The following RPF2 variants were observed in gnomAD, a reference collection of about 807,000 sequenced individuals.
RPF2 encodes the protein ribosome production factor 2 homolog.
RPF2 carries 21 observed loss-of-function variants against 38.9 expected under a neutral mutation model. The ratio of observed to expected loss-of-function variants is 0.54; its 90% CI spans 0.38 to 0.78. The LOEUF (loss-of-function observed/expected upper bound fraction) is 0.78. RPF2 is among the 30% of genes least tolerant of loss of function. The pLI, the probability that RPF2 is intolerant of heterozygous loss-of-function variation, is 0.00. For synonymous variants in RPF2, 121 were observed against 126.2 expected (o/e 0.96, Z 0.28); for missense variants, 314 against 358.1 (o/e 0.88, Z 0.99).
rs147171704 is a variant in RPF2, at chr6:111,005,134, T to G, written c.394-2904T>G. ...AGCTTCTGTATCAGACAGACAGATG[T>G]TAGGCACATCTCCATCTCCTAAGTA... On this transcript the variant is annotated intron_variant, in intron 6 of 9. Coordinates refer to ENST00000441448, the MANE Select transcript of RPF2 (RefSeq NM_032194.3). 1.3e-3 allele frequency among the ~76,000 whole-genome samples: 202 copies of G among 152,286 alleles called. 1 individual carries two copies. Among genetic ancestry groups the G allele is most frequent in the African/African-American group, 4.6e-3 (193 of 41,556 alleles).
At chr6:111,002,153 G>A (rs1412061191) in intron 6 of RPF2, among the ~76,000 whole-genome samples, 8 of 152,222 alleles carry the variant, frequency 5.3e-5, no homozygotes, top group Admixed American at 3.9e-4. Flanking sequence ...GGTGGTGCAC[G>A]CCTGTAATCC....
At chr6:110,996,810 T>C (rs1228123178) in intron 4 of RPF2, among the ~76,000 whole-genome samples, 2 of 152,162 alleles carry the variant, frequency 1.3e-5, no homozygotes, top group African/African-American at 2.4e-5. Context: ...TCGTTTTGTT[T>C]TGTTTTTTTT....
chr6:110,984,647 C>T (rs1200102070), intron 1 of RPF2, among the ~76,000 whole-genome samples: 1 of 152,052 alleles, frequency 6.6e-6, no homozygotes, highest in Non-Finnish European at 1.5e-5. Context: ...CGAGAATAGC[C>T]TGACCAACAT....
intron 5 of RPF2, among the ~76,000 whole-genome samples, chr6:110,999,366 T>C (rs1310429744): frequency 6.6e-6 from 1 of 152,178 alleles, no homozygotes; most frequent in Non-Finnish European, 1.5e-5. Context: ...TTCTCTAATA[T>C]CTATTGAATA....
Position 111,015,797 on chromosome 6 carries a change from A to G in RPF2, c.537A>G (p.Gly179=). The G allele has an allele frequency of 1.2e-6, 2 of 1,613,404 alleles. No homozygotes were observed. Among genetic ancestry groups the G allele is most frequent in the South Asian group, 1.1e-5 (1 of 91,062 alleles). ...GPTVSNIRLA[G]LEYVLHFTAL... ...CAGTATCAAATATCCGCCTGGCTGG[A>G]TTAGAGTATGTTCTGCACTTCACTG... Residue 179 remains glycine (G), a synonymous_variant, in exon 8 of 10, where the codon GGA becomes GGG. Transcript: ENST00000441448.
intron 3 of RPF2, among the ~76,000 whole-genome samples, chr6:110,990,745 G>C (rs776037604): frequency 6.6e-5 from 10 of 151,848 alleles, no homozygotes; most frequent in Non-Finnish European, 1.2e-4. Flanking sequence ...GCTAATTTTT[G>C]TATTTTTAGT....
intron 2 of RPF2, among the ~76,000 whole-genome samples, chr6:110,988,786 T>G (rs1300002390): frequency 2.0e-5 from 3 of 152,106 alleles, no homozygotes; most frequent in Non-Finnish European, 4.4e-5. Flanking sequence ...ATGAAGGAAA[T>G]TGTTTAAGTT....
At chr6:111,024,434 C>T (rs750705006) in intron 9 of RPF2, 107 bp downstream of exon 9, 1 of 1,137,926 alleles carries the variant, frequency 8.8e-7, no homozygotes, top group Non-Finnish European at 1.2e-6. Flanking sequence ...CAAGGACAGG[C>T]CAGGCGCGGT....
chr6:110,991,239 T>C (rs1052689212), intron 3 of RPF2, among the ~76,000 whole-genome samples: 1 of 152,150 alleles, frequency 6.6e-6, no homozygotes, highest in African/African-American at 2.4e-5. Context: ...TAAATAGTTA[T>C]AATGCTGTAT....
At chr6:111,008,201 G>C (rs1221293920) in intron 7 of RPF2, 64 bp downstream of exon 7, 2 of 1,479,848 alleles carry the variant, frequency 1.4e-6, no homozygotes, top group Admixed American at 5.2e-5. Context: ...ACTCTCACTG[G>C]TGGCACTTTG....
rs1772316010 is a variant in RPF2 at position 111,025,654 on chromosome 6, A to G, written c.*72A>G. 1.6e-5 allele frequency: 18 copies of G among 1,102,932 alleles called. No homozygotes were observed. The South Asian group carries it at 3.0e-4, about 18-fold the overall frequency. The allele number at this position is 1,102,932 out of a possible 1,614,324, so 68.3% of individuals were successfully genotyped here. A position where few individuals can be genotyped will look rare whatever the true frequency, so the allele number is the denominator to read the frequency against. On this transcript the variant is annotated 3_prime_UTR_variant, in exon 10 of 10. Coordinates refer to ENST00000441448, the MANE Select transcript of RPF2 (RefSeq NM_032194.3). ...AATTATCAAGCGTCAATCCATTCAG[A>G]GTTTCTTATAAGATCTTATTATATA...
intron 8 of RPF2, among the ~76,000 whole-genome samples, chr6:111,019,625 T>C (rs1772193332): frequency 6.6e-6 from 1 of 151,786 alleles, no homozygotes; most frequent in Non-Finnish European, 1.5e-5. Flanking sequence ...TAATCCTAGC[T>C]ACTCGGGAGG....
intron 6 of RPF2, among the ~76,000 whole-genome samples, chr6:111,007,341 C>T (rs900057207): frequency 6.6e-6 from 1 of 152,288 alleles, no homozygotes; most frequent in East Asian, 1.9e-4. Context: ...AAGCCCTTTA[C>T]ATCATTCTTT....
At chr6:111,024,540 C>T (rs13191180) in intron 9 of RPF2, among the ~76,000 whole-genome samples, 70 of 151,920 alleles carry the variant, frequency 4.6e-4, no homozygotes, top group Non-Finnish European at 7.8e-4. Flanking sequence ...AGTGAAACCC[C>T]GTCTCTATGA....
At chr6:111,007,447 C>T (rs996054304) in intron 6 of RPF2, among the ~76,000 whole-genome samples, 6 of 151,806 alleles carry the variant, frequency 4.0e-5, no homozygotes, top group African/African-American at 1.4e-4. Context: ...TTAGCCAGGC[C>T]TGCACCTGTA....
At chr6:110,993,654 C>G (rs767315374) in intron 4 of RPF2, among the ~76,000 whole-genome samples, 5 of 152,094 alleles carry the variant, frequency 3.3e-5, no homozygotes, top group Non-Finnish European at 7.4e-5. Context: ...CTTTTTTAGT[C>G]TAGTGTTGAT....
At chr6:110,999,321 GA>G (rs910056813) in intron 5 of RPF2, among the ~76,000 whole-genome samples, 21 of 150,046 alleles carry the variant, frequency 1.4e-4, no homozygotes, top group East Asian at 1.9e-4. Context: ...ATCAATATTA[GA>G]AAAAAAAATG....
At chr6:110,991,420 ACTTT>A (rs1771618678) in intron 3 of RPF2, among the ~76,000 whole-genome samples, 1 of 138,220 alleles carries the variant, frequency 7.2e-6, no homozygotes, top group Non-Finnish European at 1.6e-5. Context: ...TTTTTAACAC[ACTTT>A]CTTTGTCTAT....
rs1384392154 is a variant in RPF2 at position 110,997,257 on chromosome 6, A to G, written c.309A>G (p.Leu103=). 1 of 1,561,326 alleles carries G rather than the reference A, an allele frequency of 6.4e-7. No individual in the cohort carries two copies. The highest frequency in any genetic ancestry group is 2.2e-5 in the East Asian group (1 of 44,624). Residue 103 remains leucine, a synonymous_variant, in exon 5 of 10, where the codon CTA becomes CTG. Transcript: ENST00000441448. ...GSHNKKRPNN[L]VIGRMYDYHV... is the part of the protein sequence containing the mutation. ...ATAATAAGAAGCGGCCAAATAATCT[A>G]GTAATAGGTAAGTATAATTTACTTT...
Sources: gnomAD v4.1 joint callset for allele counts (sites outside exome capture counted in the v4.1 genomes callset) on GRCh38, gnomAD v4.1.1 for gene constraint, MANE v1.5 for transcripts, NCBI Gene and HGNC (gene_info 2026-07-23, HGNC 2026-07-21) for gene names.